Variants in RGSL1 observed in about 807,000 individuals in gnomAD.
The protein encoded by RGSL1 is regulator of G protein signaling protein-like.
Under a neutral mutation model 124.7 loss-of-function variants are expected in RGSL1, and 97 were observed. The observed-to-expected ratio is 0.78, with a 90% CI of 0.66 to 0.92. The LOEUF is 0.92. Ranked by LOEUF, RGSL1 falls within the 40% of genes least tolerant of loss-of-function variation. RGSL1 has a pLI of 0.00. For synonymous variants in RGSL1, 424 were observed against 438.1 expected (o/e 0.97, Z 0.40); for missense variants, 1,233 against 1,288.4 (o/e 0.96, Z 0.66).
intron 9 of RGSL1, among the ~76,000 whole-genome samples, chr1:182,502,720 T>C (rs1656491234): frequency 6.6e-6 from 1 of 152,220 alleles, no homozygotes; most frequent in Non-Finnish European, 1.5e-5. Flanking sequence ...CTGCATCCCA[T>C]AGGTTTTGGC....
At chr1:182,521,228 C>T (rs532123584) in intron 9 of RGSL1, among the ~76,000 whole-genome samples, 1 of 152,116 alleles carries the variant, frequency 6.6e-6, no homozygotes, top group African/African-American at 2.4e-5. Context: ...TACTACCACA[C>T]CCAGTTAATT....
chr1:182,521,849 T>C (rs1350973737), intron 9 of RGSL1, among the ~76,000 whole-genome samples, 155 bp from the exon 10 acceptor site: 1 of 152,190 alleles, frequency 6.6e-6, no homozygotes, highest in African/African-American at 2.4e-5. Flanking sequence ...CCTAAGTCTG[T>C]TCTTAACACT....
chr1:182,466,365 A>G (rs549440938), intron 4 of RGSL1, among the ~76,000 whole-genome samples: 2 of 152,304 alleles, frequency 1.3e-5, no homozygotes, highest in African/African-American at 4.8e-5. Context: ...AATTGGAAAG[A>G]AAGAGGTCAA....
At chr1:182,498,444 T>C (rs1245620560) in intron 9 of RGSL1, among the ~76,000 whole-genome samples, 1 of 152,224 alleles carries the variant, frequency 6.6e-6, no homozygotes, top group Non-Finnish European at 1.5e-5. Flanking sequence ...AACTCATTGC[T>C]ATTGGAGTGT....
chr1:182,503,499 ACATATTTG>A (rs1656558885), intron 9 of RGSL1, among the ~76,000 whole-genome samples: 2 of 150,312 alleles, frequency 1.3e-5, no homozygotes, highest in African/African-American at 4.9e-5. Flanking sequence ...GCGTGTTCTC[ACATATTTG>A]TGGGATCTAA....
Position 182,556,069 on chromosome 1 carries a change from C to T in RGSL1, c.*12C>T. ...AAAAAGAGAAGTAATCAAGCGAGAC[C>T]CCCAGCAGAGATAAATCATCTCTTA... On this transcript the variant is annotated 3_prime_UTR_variant, in exon 21 of 22. Transcript: ENST00000294854. 6 of 1,550,920 alleles carry T rather than the reference C, an allele frequency of 3.9e-6. No individual in the cohort carries two copies. The highest frequency in any genetic ancestry group is 5.2e-6 in the Non-Finnish European group (6 of 1,146,462).
chr1:182,530,942 A>T, intron 13 of RGSL1, 32 bp downstream of exon 13: 1 of 1,534,800 alleles, frequency 6.5e-7, no homozygotes, highest in Non-Finnish European at 8.8e-7. Flanking sequence ...ACAAGACATT[A>T]GAGACAAGAA....
At chr1:182,461,442 C>T (rs1652826651) in intron 4 of RGSL1, among the ~76,000 whole-genome samples, 1 of 148,920 alleles carries the variant, frequency 6.7e-6, no homozygotes, top group African/African-American at 2.5e-5. Flanking sequence ...CAGTTTTTAA[C>T]AAAAAAAAAT....
intron 9 of RGSL1, chr1:182,507,267 GTAT>G (rs1302961155): frequency 6.6e-6 from 1 of 152,512 alleles, no homozygotes; most frequent in Non-Finnish European, 1.5e-5. Context: ...GGGATTACAG[GTAT>G]GAGCCACTGT....
intron 4 of RGSL1, among the ~76,000 whole-genome samples, chr1:182,467,595 T>C (rs1323232232): frequency 6.6e-6 from 1 of 152,192 alleles, no homozygotes; most frequent in East Asian, 1.9e-4. Flanking sequence ...ATCCCTTTCT[T>C]ACACCTTATA....
intron 10 of RGSL1, among the ~76,000 whole-genome samples, chr1:182,527,348 C>G (rs984949955): frequency 1.3e-5 from 2 of 152,144 alleles, no homozygotes; most frequent in African/African-American, 4.8e-5. Flanking sequence ...ATCTTCCTTC[C>G]TTCATCTTCC....
intron 6 of RGSL1, among the ~76,000 whole-genome samples, chr1:182,475,972 G>A (rs1045677327): frequency 6.6e-6 from 1 of 152,164 alleles, no homozygotes; most frequent in African/African-American, 2.4e-5. Context: ...ATACAGATAA[G>A]GGAATTGAGT....
At position 182,521,991 on chromosome 1, in the gene RGSL1, AT is replaced by A. The variant is rs141194898; in HGVS notation, c.1826-3del. On this transcript the variant is annotated splice_polypyrimidine_tract_variant and intron_variant, in intron 9 of 21. Coordinates refer to ENST00000294854, the MANE Select transcript of RGSL1 (RefSeq NM_001137669.2). Reference sequence around the variant, plus strand: ...TAATATAGTGTTCTCCAACTTAGTGATTTTTTTTTTAGATTTTAAAATGGAA... The same window carrying A: ...TAATATAGTGTTCTCCAACTTAGTGATTTTTTTTTAGATTTTAAAATGGAA... 13,996 of 1,147,064 alleles carry A rather than the reference AT, an allele frequency of 0.012. 190 individuals carry two copies. Among genetic ancestry groups the A allele is most frequent in the African/African-American group, 0.079 (5,053 of 63,714 alleles). The allele number at this position is 1,147,064 out of a possible 1,614,324, so 71.1% of individuals were successfully genotyped here.
chr1:182,500,604 G>A (rs78515253), intron 9 of RGSL1, among the ~76,000 whole-genome samples: 2,025 of 152,128 alleles, frequency 0.013, 21 homozygotes, highest in Non-Finnish European at 0.021. Context: ...GGGTAGCATC[G>A]CCATATTCAA....
chr1:182,512,835 G>A (rs771256973), intron 9 of RGSL1, among the ~76,000 whole-genome samples: 2 of 152,136 alleles, frequency 1.3e-5, no homozygotes, highest in Non-Finnish European at 2.9e-5. Context: ...CTGGAGTTTG[G>A]CTACCCCATG....
At chr1:182,452,744 T>C (rs181691721) in intron 1 of RGSL1, among the ~76,000 whole-genome samples, 29 of 152,244 alleles carry the variant, frequency 1.9e-4, no homozygotes, top group Non-Finnish European at 2.8e-4. Context: ...TGAGCCACCA[T>C]GCCTGGCCAG....
intron 9 of RGSL1, 86 bp from the exon 10 acceptor site, chr1:182,521,918 T>A (rs907574690): frequency 1.3e-5 from 12 of 910,448 alleles, no homozygotes; most frequent in Non-Finnish European, 3.4e-6. Flanking sequence ...TCACATGAAC[T>A]TTATGTCTGA....
At chr1:182,510,657 GGGGAGAGTGAGAGGGAGAGGGAGA>G (rs1657366558) in intron 9 of RGSL1, among the ~76,000 whole-genome samples, 1 of 21,068 alleles carries the variant, frequency 4.7e-5, no homozygotes, top group Non-Finnish European at 1.1e-4. Context: ...GGGAGACCGT[GGGGAGAGTGAGAGGGAGAGGGAGA>G]GGGAGAGGGA....
rs1653578682 is a variant in RGSL1 at position 182,468,896 on chromosome 1, G to C, written c.302-3500G>C. Among the ~76,000 whole-genome samples, 2 of 152,106 alleles carry C rather than the reference G, an allele frequency of 1.3e-5. 1 individual carries two copies. Among genetic ancestry groups the C allele is most frequent in the South Asian group, 4.2e-4 (2 of 4,816 alleles). On this transcript the variant is annotated intron_variant, in intron 4 of 21. Transcript: ENST00000294854. ...TATATGGTAAAATGATTTTTGACAA[G>C]GGTGCCAAGACCATTCAATGGGGAA...
Sources: allele counts gnomAD v4.1 joint callset (sites outside exome capture counted in the v4.1 genomes callset), GRCh38; gene constraint gnomAD v4.1.1; transcripts MANE v1.5; gene names NCBI Gene and HGNC (gene_info 2026-07-23, HGNC 2026-07-21).